Variants in BCL2 observed in about 807,000 individuals in gnomAD.
BCL2 encodes BCL2 apoptosis regulator, also known as apoptosis regulator Bcl-2.
BCL2 carries 1 observed loss-of-function variant against 14.2 expected under a neutral mutation model. The observed-to-expected ratio is 0.07, with a 90% CI of 0.02 to 0.33. BCL2 has a LOEUF of 0.33. Ranked by LOEUF, BCL2 falls within the 10% of genes least tolerant of loss-of-function variation. The probability of loss-of-function intolerance (pLI) is 0.99; values close to 1 mark genes in which losing one functional copy is unlikely to be tolerated. For synonymous variants in BCL2, 151 were observed against 137.2 expected, an observed-to-expected ratio of 1.10 and a Z score of -0.70; for missense variants, 247 against 305.9, an observed-to-expected ratio of 0.81 and a Z score of 1.44.
intron 2 of BCL2, among the ~76,000 whole-genome samples, chr18:63,290,370 A>G (rs1442238078): frequency 1.3e-5 from 2 of 151,892 alleles, no homozygotes; most frequent in African/African-American, 4.9e-5. Context: ...GGTCCCGCAC[A>G]AGAGAATCAG....
chr18:63,289,804 G>A (rs1350086800), intron 2 of BCL2, among the ~76,000 whole-genome samples: 1 of 152,256 alleles, frequency 6.6e-6, no homozygotes, highest in South Asian at 2.1e-4. Context: ...TGAGGCAGGA[G>A]AATCACTTGA....
chr18:63,315,275 C>G (rs1288287313), intron 2 of BCL2: 1 of 152,380 alleles, frequency 6.6e-6, no homozygotes, highest in Admixed American at 6.5e-5. Context: ...ACTGCTTCCT[C>G]TGTCCTGCCT....
chr18:63,132,056 T>C (rs1359311815), intron 2 of BCL2, among the ~76,000 whole-genome samples: 4 of 152,232 alleles, frequency 2.6e-5, no homozygotes, highest in Non-Finnish European at 2.9e-5. Context: ...TAGAGTGAGA[T>C]GAGCTAAACT....
At chr18:63,264,369 C>A (rs1365708352) in intron 2 of BCL2, among the ~76,000 whole-genome samples, 1 of 152,126 alleles carries the variant, frequency 6.6e-6, no homozygotes, top group Admixed American at 6.5e-5. Flanking sequence ...GACACTAGCA[C>A]TCAAGCATTA....
Position 63,213,238 on chromosome 18 carries a change from A to G in BCL2, c.586-84479T>C, listed in dbSNP as rs151039170. 2.0e-5 allele frequency among the ~76,000 whole-genome samples: 3 copies of G among 152,336 alleles called. No individual in the cohort carries two copies. The East Asian group carries it at 5.8e-4, about 29-fold the overall frequency. Reference sequence around the variant, plus strand: ...TCTCTTCCATTTGCAGCCAATTGTTACCATGCAGGTATTCTTCCTGGCAAA... The same window carrying G: ...TCTCTTCCATTTGCAGCCAATTGTTGCCATGCAGGTATTCTTCCTGGCAAA... On this transcript the variant is annotated intron_variant, in intron 2 of 2. Transcript: ENST00000333681.
At position 63,318,655 on chromosome 18, in the gene BCL2, A is replaced by T; in HGVS notation, c.12T>A (p.Ala4=). 1.9e-6 allele frequency: 3 copies of T among 1,612,962 alleles called. No individual in the cohort carries two copies. The highest frequency in any genetic ancestry group is 2.5e-6 in the Non-Finnish European group (3 of 1,179,438). Residue 4 remains alanine (A), a synonymous_variant, in exon 2 of 3, where the codon GCT becomes GCA. Transcript: ENST00000333681. This position sits in a 1 kb window ranked among gnomAD's most constrained non-coding sequence, Gnocchi z 7.4. ...CCCGGTTATCGTACCCTGTTCTCCCAGCGTGCGCCATCCTTCCCAGAGGAA... is the reference window on the plus strand; with the variant it reads ...CCCGGTTATCGTACCCTGTTCTCCCTGCGTGCGCCATCCTTCCCAGAGGAA... MAH[A]GRTGYDNREI...
intron 2 of BCL2, among the ~76,000 whole-genome samples, chr18:63,244,140 G>A (rs117197509): frequency 0.025 from 3,757 of 152,246 alleles, 62 homozygotes; most frequent in Non-Finnish European, 0.038. Flanking sequence ...AGCATTTTGC[G>A]AGGCCGAGGT....
At chr18:63,227,884 A>G (rs1910590916) in intron 2 of BCL2, among the ~76,000 whole-genome samples, 1 of 152,256 alleles carries the variant, frequency 6.6e-6, no homozygotes, top group South Asian at 2.1e-4. Context: ...TAGTCATTAG[A>G]CAAATCAGCT....
intron 2 of BCL2, among the ~76,000 whole-genome samples, chr18:63,305,058 C>T (rs1025914093): frequency 2.0e-5 from 3 of 152,194 alleles, no homozygotes; most frequent in Non-Finnish European, 4.4e-5. Flanking sequence ...ATGTCCAAGC[C>T]CGCCTGGCTC....
intron 2 of BCL2, among the ~76,000 whole-genome samples, chr18:63,239,877 G>A (rs1209230921): frequency 6.6e-6 from 1 of 152,226 alleles, no homozygotes; most frequent in Non-Finnish European, 1.5e-5. Flanking sequence ...AAAGGGAAAT[G>A]GGAACTTACC....
At chr18:63,215,044 G>T (rs1910160191) in intron 2 of BCL2, among the ~76,000 whole-genome samples, 1 of 152,078 alleles carries the variant, frequency 6.6e-6, no homozygotes, top group Admixed American at 6.6e-5. Flanking sequence ...TACTTCCCCA[G>T]AACCCAACTC....
intron 2 of BCL2, among the ~76,000 whole-genome samples, chr18:63,297,169 C>G (rs565502614): frequency 6.6e-6 from 1 of 151,704 alleles, no homozygotes; most frequent in African/African-American, 2.4e-5. Flanking sequence ...GCCAAGATCA[C>G]GCCACTGCAC....
Position 63,240,968 on chromosome 18 carries a change from T to C in BCL2, c.585+77114A>G, listed in dbSNP as rs201593047. 7.9e-5 allele frequency among the ~76,000 whole-genome samples: 12 copies of C among 152,346 alleles called. No homozygotes were observed. In the East Asian group the frequency reaches 2.3e-3, roughly 29 times the overall value. On this transcript the variant is annotated intron_variant, in intron 2 of 2. Transcript: ENST00000333681. The stretch of plus-strand genomic sequence containing the variant: ...AAATACCATGAAAATATCTATAGCA[T>C]GGGTTGGAAAACATTTCCAGTGAAA...
At chr18:63,250,233 A>G (rs148938184) in intron 2 of BCL2, among the ~76,000 whole-genome samples, 1 of 152,232 alleles carries the variant, frequency 6.6e-6, no homozygotes, top group African/African-American at 2.4e-5. Flanking sequence ...TGCAAAGGAG[A>G]ACATATAGTG....
At chr18:63,223,029 A>G (rs187753141) in intron 2 of BCL2, among the ~76,000 whole-genome samples, 2 of 152,358 alleles carry the variant, frequency 1.3e-5, no homozygotes, top group African/African-American at 4.8e-5. Context: ...AGGAACAACC[A>G]GTGGATCCTC....
At chr18:63,214,556 C>T (rs967444579) in intron 2 of BCL2, among the ~76,000 whole-genome samples, 1 of 151,680 alleles carries the variant, frequency 6.6e-6, no homozygotes, top group Non-Finnish European at 1.5e-5. Context: ...GAGCTTTTGA[C>T]AAAAACTATA....
chr18:63,309,408 G>A (rs1412120501), intron 2 of BCL2, among the ~76,000 whole-genome samples: 1 of 152,194 alleles, frequency 6.6e-6, no homozygotes, highest in African/African-American at 2.4e-5. Flanking sequence ...ACGCCACAAA[G>A]CAGTAACTGT....
rs755382644 is a variant in BCL2, at chr18:63,318,533, G to C, written c.134C>G (p.Ala45Gly). Residue 45 changes from alanine (A) to glycine (G), a missense_variant, in exon 2 of 3, where the codon GCA becomes GGA. Coordinates refer to ENST00000333681, the MANE Select transcript of BCL2 (RefSeq NM_000633.3). The surrounding 1 kb of genome is among the most constrained non-coding windows in gnomAD (Gnocchi z 7.4). ...GGGCTGGGAGGAGAAGATGCCCGGT[G>C]CGGGGGCGGCCCCCGGGGGCGCGGC... ...VGAAPPGAAP[A>G]PGIFSSQPGH... is the part of the protein sequence containing the mutation. 8.3e-5 allele frequency: 131 copies of C among 1,583,710 alleles called. No individual in the cohort carries two copies. Among genetic ancestry groups the C allele is most frequent in the Middle Eastern group, 1.7e-4 (1 of 6,006 alleles).
chr18:63,180,962 T>C lies in BCL2; in HGVS notation c.586-52203A>G, dbSNP rs527812508. On this transcript the variant is annotated intron_variant, in intron 2 of 2. Transcript: ENST00000333681. The stretch of plus-strand genomic sequence containing the variant: ...GTCAGTGTACAGACGCTTTGATTCA[T>C]TGTGATCCAAGGGGCTTTTCATGCC... Among the ~76,000 whole-genome samples, 16 of 152,356 alleles carry C rather than the reference T, an allele frequency of 1.1e-4. No homozygotes were observed. In the East Asian group the frequency reaches 1.4e-3, roughly 13 times the overall value.
Sources: allele counts gnomAD v4.1 joint callset (sites outside exome capture counted in the v4.1 genomes callset), GRCh38; gene constraint gnomAD v4.1.1; non-coding constraint Gnocchi (gnomAD v3.1); transcripts MANE v1.5; gene names NCBI Gene and HGNC (gene_info 2026-07-23, HGNC 2026-07-21).